Variants in SHISA9 observed in about 807,000 individuals in gnomAD.
The protein encoded by SHISA9 is protein shisa-9.
Under a neutral mutation model 38.0 loss-of-function variants are expected in SHISA9, and 13 were observed. That is an observed-to-expected ratio of 0.34 (90% CI 0.22 to 0.54). The LOEUF is 0.54. SHISA9 is among the 20% of genes least tolerant of loss of function. The pLI, the probability that SHISA9 is intolerant of heterozygous loss-of-function variation, is 0.91. For synonymous variants in SHISA9, 275 were observed against 242.0 expected, an observed-to-expected ratio of 1.14 and a Z score of -1.27; for missense variants, 538 against 575.8, an observed-to-expected ratio of 0.93 and a Z score of 0.67.
At chr16:13,447,107 C>T in the SHISA9 span, among the ~76,000 whole-genome samples, 1 of 152,068 alleles carries the variant, frequency 6.6e-6, no homozygotes, top group African/African-American at 2.4e-5. Flanking sequence ...TTTCTCTCCA[C>T]CCCTGCTTAA....
chr16:13,392,167 T>C, the SHISA9 span, among the ~76,000 whole-genome samples: 9 of 152,294 alleles, frequency 5.9e-5, no homozygotes, highest in East Asian at 1.4e-3. Context: ...TATGGATTAG[T>C]TGTGTCTTCC....
the SHISA9 span, among the ~76,000 whole-genome samples, chr16:13,381,102 C>T: frequency 6.6e-6 from 1 of 151,824 alleles, no homozygotes; most frequent in African/African-American, 2.4e-5. Flanking sequence ...CAAGTCTTTG[C>T]TATAGAAATA....
chr16:13,407,660 A>T, the SHISA9 span, among the ~76,000 whole-genome samples: 2 of 152,160 alleles, frequency 1.3e-5, no homozygotes, highest in Admixed American at 1.3e-4. Context: ...ATGAATTTGT[A>T]TTGCTACATT....
the SHISA9 span, among the ~76,000 whole-genome samples, chr16:13,287,019 C>T: frequency 6.6e-6 from 1 of 152,198 alleles, no homozygotes; most frequent in East Asian, 1.9e-4. Flanking sequence ...CTTCGATTCA[C>T]TCATTAAACA....
Position 13,022,289 on chromosome 16 carries a change from C to T in SHISA9, c.691+105474C>T, listed in dbSNP as rs139308587. 1.2e-3 allele frequency among the ~76,000 whole-genome samples: 184 copies of T among 151,726 alleles called. 2 individuals are homozygous for T. The highest frequency in any genetic ancestry group is 4.2e-3 in the African/African-American group (175 of 41,312). On this transcript the variant is annotated intron_variant, in intron 2 of 4. Coordinates refer to ENST00000558583, the MANE Select transcript of SHISA9 (RefSeq NM_001145204.3). ...ACCTCAGCCTCTCGAGTAACTGGGA[C>T]GACAGGCATGCACCACAAGGTCTGG...
the SHISA9 span, among the ~76,000 whole-genome samples, chr16:13,375,815 C>G: frequency 6.6e-6 from 1 of 152,150 alleles, no homozygotes; most frequent in Non-Finnish European, 1.5e-5. Context: ...GATAAGAAGA[C>G]TTAATATTGC....
chr16:13,223,683 GA>G (rs775383778), intron 4 of SHISA9, among the ~76,000 whole-genome samples: 5 of 152,176 alleles, frequency 3.3e-5, no homozygotes, highest in Admixed American at 6.5e-5. Flanking sequence ...ATTTATAAAG[GA>G]AAGAGGTTTG....
rs2051419028 is a variant in SHISA9, at chr16:13,239,683, T to C, written c.*4274T>C. The C allele has an allele frequency of 6.6e-6, 1 of 152,200 alleles. No individual in the cohort carries two copies. The highest frequency in any genetic ancestry group is 2.1e-4 in the South Asian group (1 of 4,830). The allele number at this position is 152,200 out of a possible 1,614,324, so 9.4% of individuals were successfully genotyped here. A position where few individuals can be genotyped will look rare whatever the true frequency, so the allele number is the denominator to read the frequency against. ...TTCGCCCACTTTTTGATGGGGTTGT[T>C]TGTTTTTTTCTTGTAAATTTGTTTG... On this transcript the variant is annotated 3_prime_UTR_variant, in exon 5 of 5. Transcript: ENST00000558583.
chr16:13,390,274 CA>C, the SHISA9 span, among the ~76,000 whole-genome samples: 2 of 152,054 alleles, frequency 1.3e-5, no homozygotes, highest in African/African-American at 4.8e-5. Flanking sequence ...ACGCCAGAAC[CA>C]AACCTGCATT....
chr16:13,030,950 C>T (rs1182968056), intron 2 of SHISA9, among the ~76,000 whole-genome samples: 2 of 152,108 alleles, frequency 1.3e-5, no homozygotes, highest in Admixed American at 1.3e-4. Flanking sequence ...AGGGCTGTTA[C>T]TCAGTGTCAG....
At chr16:13,358,857 G>A in the SHISA9 span, among the ~76,000 whole-genome samples, 1 of 152,314 alleles carries the variant, frequency 6.6e-6, no homozygotes, top group Admixed American at 6.5e-5. Context: ...CTAGAAGACA[G>A]GGTGTTTTTA....
Position 13,202,340 on chromosome 16 carries a change from T to C in SHISA9, c.692-1054T>C, listed in dbSNP as rs992638937. Among the ~76,000 whole-genome samples, 17 of 131,562 alleles carry C rather than the reference T, an allele frequency of 1.3e-4. 4 individuals are homozygous for C. Among genetic ancestry groups the C allele is most frequent in the Admixed American group, 7.6e-5 (1 of 13,230 alleles). The allele number at this position is 131,562 out of a possible 152,430, so 86.3% of individuals were successfully genotyped here. On this transcript the variant is annotated intron_variant, in intron 2 of 4. Transcript: ENST00000558583. ...ATACCCTCCCTCATATCTTCCACCTTCCACCACACTGAACTATTATAACAA... is the reference window on the plus strand; with the variant it reads ...ATACCCTCCCTCATATCTTCCACCTCCCACCACACTGAACTATTATAACAA...
the SHISA9 span, among the ~76,000 whole-genome samples, chr16:13,387,844 C>T: frequency 2.0e-5 from 3 of 151,938 alleles, no homozygotes; most frequent in Admixed American, 6.6e-5. Context: ...AACTATGGTC[C>T]GTTACACCCT....
At chr16:13,155,494 C>G (rs1197168815) in intron 2 of SHISA9, among the ~76,000 whole-genome samples, 2 of 152,204 alleles carry the variant, frequency 1.3e-5, no homozygotes, top group African/African-American at 4.8e-5. Context: ...GATGACCCCT[C>G]TGAGGGAGAT....
At chr16:13,247,104 G>T in the SHISA9 span, among the ~76,000 whole-genome samples, 1 of 152,084 alleles carries the variant, frequency 6.6e-6, no homozygotes, top group East Asian at 1.9e-4. Flanking sequence ...GGAAGGGGAA[G>T]CAAGGACCTT....
At chr16:13,346,610 G>A in the SHISA9 span, among the ~76,000 whole-genome samples, 22 of 152,218 alleles carry the variant, frequency 1.4e-4, no homozygotes, top group East Asian at 2.3e-3. Context: ...CTTCGTGGTG[G>A]AAGTCTCTTT....
At chr16:13,288,882 A>G in the SHISA9 span, among the ~76,000 whole-genome samples, 1 of 152,308 alleles carries the variant, frequency 6.6e-6, no homozygotes, top group Admixed American at 6.5e-5. Context: ...TTAATCTTTA[A>G]TCCTAATTAC....
chr16:13,050,453 C>T (rs989085504), intron 2 of SHISA9, among the ~76,000 whole-genome samples: 45 of 152,028 alleles, frequency 3.0e-4, no homozygotes, highest in African/African-American at 9.7e-4. Flanking sequence ...TACCTCAGCC[C>T]GTCAAGTGGC....
intron 2 of SHISA9, among the ~76,000 whole-genome samples, chr16:13,013,506 G>T (rs1200444566): frequency 6.6e-6 from 1 of 152,146 alleles, no homozygotes; most frequent in East Asian, 1.9e-4. Context: ...CGTGGCTAGG[G>T]ATCACGGTCA....
Sources: gnomAD v4.1 joint callset for allele counts (sites outside exome capture counted in the v4.1 genomes callset) on GRCh38, gnomAD v4.1.1 for gene constraint, MANE v1.5 for transcripts, NCBI Gene and HGNC (gene_info 2026-07-23, HGNC 2026-07-21) for gene names.